Variants in THSD7B observed in about 807,000 individuals in gnomAD.
THSD7B encodes thrombospondin type-1 domain-containing protein 7B.
A neutral mutation model predicts 213.6 loss-of-function variants in THSD7B; 138 were observed. The ratio of observed to expected loss-of-function variants is 0.65; its 90% confidence interval spans 0.56 to 0.74. THSD7B has a LOEUF of 0.74. Among genes scored for constraint, THSD7B ranks in the 30% least tolerant of loss-of-function variants. THSD7B has a pLI of 0.00. For missense variants in THSD7B, 1,931 were observed against 1,991.5 expected (o/e 0.97, Z 0.58); for synonymous variants, 742 against 687.0 (o/e 1.08, Z -1.25).
intron 17 of THSD7B, among the ~76,000 whole-genome samples, chr2:137,598,128 A>T (rs1228878308): frequency 6.6e-6 from 1 of 151,900 alleles, no homozygotes; most frequent in Non-Finnish European, 1.5e-5. Context: ...TGCTATGCAC[A>T]TATGCATATT....
intron 15 of THSD7B, among the ~76,000 whole-genome samples, chr2:137,462,946 A>G (rs1401248284): frequency 6.6e-6 from 1 of 152,064 alleles, no homozygotes; most frequent in Non-Finnish European, 1.5e-5. Flanking sequence ...TAAATCTTCT[A>G]TCTGTGAAAT....
intron 20 of THSD7B, among the ~76,000 whole-genome samples, chr2:137,624,234 T>C (rs372188352): frequency 3.3e-5 from 5 of 152,324 alleles, no homozygotes; most frequent in East Asian, 3.9e-4. Context: ...GGAAAAGGAT[T>C]CCCTATTTAA....
intron 17 of THSD7B, among the ~76,000 whole-genome samples, chr2:137,578,863 C>T (rs190697220): frequency 6.6e-6 from 1 of 151,306 alleles, no homozygotes; most frequent in East Asian, 1.9e-4. Context: ...TTACTAAGCA[C>T]AGAAAGAAAA....
At chr2:136,847,718 C>T (rs1351572507) in intron 1 of THSD7B, among the ~76,000 whole-genome samples, 1 of 152,180 alleles carries the variant, frequency 6.6e-6, no homozygotes, top group African/African-American at 2.4e-5. Flanking sequence ...AGTCTACCTA[C>T]ATCCCACCCT....
intron 15 of THSD7B, among the ~76,000 whole-genome samples, chr2:137,537,089 G>A (rs1457188219): frequency 6.6e-6 from 1 of 151,800 alleles, no homozygotes; most frequent in Non-Finnish European, 1.5e-5. Context: ...AGTGAAGCAA[G>A]TGATACACCC....
intron 13 of THSD7B, 127 bp downstream of exon 13, chr2:137,405,934 C>T (rs1686507649): frequency 2.7e-6 from 2 of 745,226 alleles, no homozygotes; most frequent in African/African-American, 1.8e-5. Flanking sequence ...TTCGTTAATA[C>T]ATATCCTCAA....
chr2:137,602,442 T>C (rs1682092728), intron 17 of THSD7B, among the ~76,000 whole-genome samples: 1 of 152,050 alleles, frequency 6.6e-6, no homozygotes, highest in Non-Finnish European at 1.5e-5. Context: ...GCTAATTTTT[T>C]GTATTTTAGT....
intron 12 of THSD7B, among the ~76,000 whole-genome samples, chr2:137,365,064 C>T (rs984954178): frequency 6.6e-6 from 1 of 152,114 alleles, no homozygotes; most frequent in African/African-American, 2.4e-5. Flanking sequence ...TGGAACAGAA[C>T]AGAGGCCTCA....
chr2:137,249,720 A>G (rs568091209), intron 10 of THSD7B, among the ~76,000 whole-genome samples: 1 of 152,238 alleles, frequency 6.6e-6, no homozygotes, highest in Non-Finnish European at 1.5e-5. Flanking sequence ...TGTTAGAATC[A>G]GAGCATGGTG....
intron 20 of THSD7B, 54 bp from the exon 21 acceptor site, chr2:137,642,434 G>A: frequency 6.2e-7 from 1 of 1,603,228 alleles, no homozygotes; most frequent in Non-Finnish European, 8.5e-7. Flanking sequence ...TGTTCTTCAG[G>A]TCCCTTTCCA....
chr2:137,109,944 T>C (rs1374848646), intron 4 of THSD7B, among the ~76,000 whole-genome samples: 1 of 152,182 alleles, frequency 6.6e-6, no homozygotes, highest in East Asian at 1.9e-4. Context: ...TTAACCACAC[T>C]GGCTTCTGTG....
At chr2:137,448,503 A>T (rs2105062623) in intron 14 of THSD7B, among the ~76,000 whole-genome samples, 1 of 152,304 alleles carries the variant, frequency 6.6e-6, no homozygotes. Context: ...AATCATCTGA[A>T]TGTGTTTAAA....
At chr2:137,259,307 GT>G (rs1682385350) in intron 10 of THSD7B, among the ~76,000 whole-genome samples, 1 of 152,166 alleles carries the variant, frequency 6.6e-6, no homozygotes, top group South Asian at 2.1e-4. Flanking sequence ...CACCAAAAGT[GT>G]AAAAGCGTTC....
At chr2:136,772,370 G>A (rs1681523655) in intron 1 of THSD7B, among the ~76,000 whole-genome samples, 1 of 152,078 alleles carries the variant, frequency 6.6e-6, no homozygotes, top group Non-Finnish European at 1.5e-5. Context: ...GAAAAAGGCT[G>A]CATTTTGATT....
intron 10 of THSD7B, among the ~76,000 whole-genome samples, chr2:137,244,079 G>A (rs1681970901): frequency 6.6e-6 from 1 of 152,162 alleles, no homozygotes; most frequent in South Asian, 2.1e-4. Context: ...TCGTTTCAAA[G>A]CAGGCAAGGA....
chr2:137,286,693 G>A (rs1683190811), intron 12 of THSD7B, among the ~76,000 whole-genome samples: 1 of 151,518 alleles, frequency 6.6e-6, no homozygotes, highest in South Asian at 2.1e-4. Flanking sequence ...TTTTTATTTT[G>A]GGTATGGGAG....
intron 14 of THSD7B, among the ~76,000 whole-genome samples, chr2:137,412,943 A>C (rs1194217015): frequency 6.6e-6 from 1 of 151,740 alleles, no homozygotes; most frequent in Non-Finnish European, 1.5e-5. Context: ...GTCTAGAAAC[A>C]AATGGGTAGA....
chr2:137,164,780 A>T (rs563067102), intron 6 of THSD7B, among the ~76,000 whole-genome samples: 1 of 152,326 alleles, frequency 6.6e-6, no homozygotes, highest in South Asian at 2.1e-4. Context: ...TATCGCAAGG[A>T]CAAAAAACCA....
At chr2:137,589,954 G>C (rs750174365) in intron 17 of THSD7B, among the ~76,000 whole-genome samples, 8 of 152,122 alleles carry the variant, frequency 5.3e-5, no homozygotes, top group Non-Finnish European at 1.0e-4. Flanking sequence ...CTAAGATGAA[G>C]ACCACATAAG....
Sources: allele counts gnomAD v4.1 joint callset (sites outside exome capture counted in the v4.1 genomes callset), GRCh38; gene constraint gnomAD v4.1.1; transcripts MANE v1.5; gene names NCBI Gene and HGNC (gene_info 2026-07-23, HGNC 2026-07-21).